Variants in DRC11 observed in about 807,000 individuals in gnomAD.
The protein encoded by DRC11 is IQ and AAA domain-containing protein 1.
At chr2:236,483,451 T>A in the DRC11 span, among the ~76,000 whole-genome samples, 1 of 152,218 alleles carries the variant, frequency 6.6e-6, no homozygotes, top group Non-Finnish European at 1.5e-5. This position sits in a 1 kb window ranked among gnomAD's most constrained non-coding sequence, Gnocchi z 4.8. Context: ...AAAATCAAGA[T>A]ATTTTTGAAA....
chr2:236,456,631 C>T, the DRC11 span, among the ~76,000 whole-genome samples: 1 of 152,162 alleles, frequency 6.6e-6, no homozygotes, highest in Non-Finnish European at 1.5e-5. This position sits in a 1 kb window ranked among gnomAD's most constrained non-coding sequence, Gnocchi z 5.4. Context: ...TCAGATTCCT[C>T]AAGCTTACGT....
the DRC11 span, among the ~76,000 whole-genome samples, chr2:236,375,256 G>A: frequency 1.1e-4 from 16 of 152,094 alleles, no homozygotes; most frequent in Non-Finnish European, 2.4e-4. The surrounding 1 kb of genome is among the most constrained non-coding windows in gnomAD (Gnocchi z 4.2). Context: ...GATGCTTCCT[G>A]GAAATTGACA....
At chr2:236,369,180 T>C in the DRC11 span, 2 of 152,220 alleles carry the variant, frequency 1.3e-5, no homozygotes. The surrounding 1 kb of genome is among the most constrained non-coding windows in gnomAD (Gnocchi z 4.5). Context: ...GGATGCTACA[T>C]GTGTACAGCA....
At chr2:236,307,348 A>T in the DRC11 span, among the ~76,000 whole-genome samples, 17 of 152,200 alleles carry the variant, frequency 1.1e-4, no homozygotes, top group African/African-American at 4.1e-4. This position sits in a 1 kb window ranked among gnomAD's most constrained non-coding sequence, Gnocchi z 7.0. Context: ...GCCTGCAAAA[A>T]GCACCATTCA....
the DRC11 span, among the ~76,000 whole-genome samples, chr2:236,345,063 TG>T: frequency 2.5e-4 from 37 of 150,006 alleles, no homozygotes; most frequent in Non-Finnish European, 3.1e-4. Flanking sequence ...GCCCTGGCTG[TG>T]AACGTGCTTC....
At chr2:236,504,853 G>C in the DRC11 span, among the ~76,000 whole-genome samples, 1 of 152,132 alleles carries the variant, frequency 6.6e-6, no homozygotes, top group African/African-American at 2.4e-5. The surrounding 1 kb of genome is among the most constrained non-coding windows in gnomAD (Gnocchi z 5.0). Flanking sequence ...TGTGAAGAAG[G>C]GCATGTTTGA....
chr2:236,483,206 G>A, the DRC11 span, among the ~76,000 whole-genome samples: 4 of 152,148 alleles, frequency 2.6e-5, no homozygotes, highest in African/African-American at 7.2e-5. This position sits in a 1 kb window ranked among gnomAD's most constrained non-coding sequence, Gnocchi z 4.8. Context: ...GTTGCAGCAC[G>A]TGTCAGAATT....
the DRC11 span, among the ~76,000 whole-genome samples, chr2:236,381,385 T>A: frequency 1.3e-5 from 2 of 151,336 alleles, no homozygotes; most frequent in African/African-American, 4.9e-5. The surrounding 1 kb of genome is among the most constrained non-coding windows in gnomAD (Gnocchi z 5.8). Context: ...CCCAGAACTA[T>A]GAGCTATTAA....
At chr2:236,357,414 TTA>T in the DRC11 span, among the ~76,000 whole-genome samples, 4 of 125,728 alleles carry the variant, frequency 3.2e-5, no homozygotes, top group South Asian at 2.3e-4. Context: ...CATATTTATA[TTA>T]TAAATAATTT....
chr2:236,317,712 G>C, the DRC11 span, among the ~76,000 whole-genome samples: 3 of 152,254 alleles, frequency 2.0e-5, no homozygotes, highest in South Asian at 6.2e-4. This position sits in a 1 kb window ranked among gnomAD's most constrained non-coding sequence, Gnocchi z 5.4. Context: ...TTTTCTAAAG[G>C]ATGACTAGAA....
chr2:236,394,343 G>C, the DRC11 span, among the ~76,000 whole-genome samples: 2 of 152,178 alleles, frequency 1.3e-5, no homozygotes, highest in Non-Finnish European at 2.9e-5. The surrounding 1 kb of genome is among the most constrained non-coding windows in gnomAD (Gnocchi z 7.0). Context: ...TTCAAAAAGA[G>C]TGGGTTGGGC....
the DRC11 span, among the ~76,000 whole-genome samples, chr2:236,386,732 C>G: frequency 6.7e-6 from 1 of 149,146 alleles, no homozygotes; most frequent in Non-Finnish European, 1.5e-5. Flanking sequence ...TCTTGCTTTT[C>G]TAGTTCTTTT....
chr2:236,507,024 C>A, the DRC11 span, among the ~76,000 whole-genome samples: 1 of 152,044 alleles, frequency 6.6e-6, no homozygotes, highest in East Asian at 1.9e-4. Flanking sequence ...GGTGGTGGGA[C>A]GCGTAGGGGA....
At chr2:236,324,510 C>A in the DRC11 span, 20 of 526,812 alleles carry the variant, frequency 3.8e-5, no homozygotes, top group African/African-American at 2.7e-4. The surrounding 1 kb of genome is among the most constrained non-coding windows in gnomAD (Gnocchi z 5.7). Flanking sequence ...CAGTGGTTAG[C>A]GGGTTTGCGG....
the DRC11 span, chr2:236,392,083 C>A: frequency 1.2e-6 from 2 of 1,610,704 alleles, no homozygotes; most frequent in South Asian, 2.2e-5. This position sits in a 1 kb window ranked among gnomAD's most constrained non-coding sequence, Gnocchi z 5.1. Flanking sequence ...TAGGAGAATA[C>A]AAAACATACT....
chr2:236,365,651 C>A, the DRC11 span, among the ~76,000 whole-genome samples: 5 of 151,812 alleles, frequency 3.3e-5, no homozygotes, highest in Non-Finnish European at 7.4e-5. The surrounding 1 kb of genome is among the most constrained non-coding windows in gnomAD (Gnocchi z 7.4). Context: ...TGAGTGGACC[C>A]GGGAGAGTGT....
chr2:236,418,830 T>C, the DRC11 span, among the ~76,000 whole-genome samples: 1 of 152,208 alleles, frequency 6.6e-6, no homozygotes, highest in Non-Finnish European at 1.5e-5. Context: ...CTCTCTACCA[T>C]TGAGGAAAGA....
the DRC11 span, among the ~76,000 whole-genome samples, chr2:236,428,919 C>T: frequency 6.6e-6 from 1 of 152,174 alleles, no homozygotes; most frequent in Non-Finnish European, 1.5e-5. Flanking sequence ...TCATGTAATT[C>T]ATGGATCTCC....
chr2:236,490,910 GTGTGTGTATATATA>G, the DRC11 span, among the ~76,000 whole-genome samples: 2 of 149,040 alleles, frequency 1.3e-5, no homozygotes, highest in East Asian at 3.9e-4. This position sits in a 1 kb window ranked among gnomAD's most constrained non-coding sequence, Gnocchi z 5.5. Context: ...TATTGTGTGT[GTGTGTGTATATATA>G]TGTGTATATA....
Sources: allele counts gnomAD v4.1 joint callset (sites outside exome capture counted in the v4.1 genomes callset), GRCh38; gene constraint gnomAD v4.1.1; non-coding constraint Gnocchi (gnomAD v3.1); transcripts MANE v1.5; gene names NCBI Gene and HGNC (gene_info 2026-07-23, HGNC 2026-07-21).